Variants in CD109 observed in about 807,000 individuals in gnomAD.
CD109 encodes the protein CD109 antigen.
CD109 carries 149 observed loss-of-function variants against 165.8 expected under a neutral mutation model. The observed-to-expected ratio is 0.90, with a 90% CI of 0.79 to 1.03. The LOEUF is 1.03. CD109 is among the 50% of genes least tolerant of loss of function. The pLI is 0.00. For missense variants in CD109, 1,712 were observed against 1,677.8 expected (o/e 1.02, Z -0.36); for synonymous variants, 585 against 592.1 (o/e 0.99, Z 0.18).
At chr6:73,742,593 G>T (rs1772834192) in intron 5 of CD109, among the ~76,000 whole-genome samples, 1 of 152,248 alleles carries the variant, frequency 6.6e-6, no homozygotes, top group Non-Finnish European at 1.5e-5. Flanking sequence ...TGGTGCTCAT[G>T]TTCCTCCAAG....
intron 22 of CD109, among the ~76,000 whole-genome samples, chr6:73,789,403 C>A (rs1366237009): frequency 7.4e-6 from 1 of 135,000 alleles, no homozygotes; most frequent in Non-Finnish European, 1.6e-5. Context: ...GTCATCACCT[C>A]AAATACTTAA....
chr6:73,757,141 G>GT (rs1412807368), intron 6 of CD109, among the ~76,000 whole-genome samples: 4 of 152,162 alleles, frequency 2.6e-5, no homozygotes, highest in African/African-American at 9.7e-5. Flanking sequence ...TATTTTGTTG[G>GT]TGAATGGAGA....
chr6:73,812,061 T>C (rs1169626901), intron 28 of CD109, 144 bp from the exon 29 acceptor site: 5 of 516,824 alleles, frequency 9.7e-6, no homozygotes, highest in Non-Finnish European at 1.7e-5. Context: ...CCATAGCTTT[T>C]GATATGTGAG....
At chr6:73,725,132 A>G (rs1169913961) in intron 3 of CD109, among the ~76,000 whole-genome samples, 1 of 152,102 alleles carries the variant, frequency 6.6e-6, no homozygotes, top group African/African-American at 2.4e-5. Context: ...GAAGTGGGGG[A>G]AAAAAACCCT....
chr6:73,713,556 G>A (rs1023571332), intron 2 of CD109, among the ~76,000 whole-genome samples: 1 of 151,990 alleles, frequency 6.6e-6, no homozygotes. Context: ...ACCTGGCCTG[G>A]GTAGGACTTC....
chr6:73,696,137 G>T (rs986932197), upstream of CD109: 12 of 1,354,232 alleles, frequency 8.9e-6, no homozygotes, highest in Admixed American at 1.2e-4. Flanking sequence ...AAAAATCAGG[G>T]AGGAGGTGGC....
intron 25 of CD109, 81 bp from the exon 26 acceptor site, chr6:73,808,002 C>T: frequency 8.0e-7 from 1 of 1,255,000 alleles, no homozygotes; most frequent in Non-Finnish European, 1.1e-6. Context: ...TTTTTAAATG[C>T]ATGTTTCAAA....
rs1215032298 is a variant in CD109, at chr6:73,824,963, A to T, written c.*1330A>T. Reference sequence around the variant, plus strand: ...GCTCTATGGCATTTCACTCAAGTGGACAGGGGAAAAAGTAATTGCCATGGG... The same window carrying T: ...GCTCTATGGCATTTCACTCAAGTGGTCAGGGGAAAAAGTAATTGCCATGGG... On this transcript the variant is annotated 3_prime_UTR_variant, in exon 33 of 33. Transcript: ENST00000287097. 6.6e-6 allele frequency: 1 copy of T among 152,206 alleles called. No homozygotes were observed. Among genetic ancestry groups the T allele is most frequent in the Non-Finnish European group, 1.5e-5 (1 of 68,038 alleles). 9.4% of individuals were successfully genotyped at this position (152,206 alleles called of 1,614,324 possible). A position where few individuals can be genotyped will look rare whatever the true frequency, so the allele number is the denominator to read the frequency against.
At chr6:73,739,165 T>C (rs1772658053) in intron 5 of CD109, among the ~76,000 whole-genome samples, 1 of 152,254 alleles carries the variant, frequency 6.6e-6, no homozygotes, top group Non-Finnish European at 1.5e-5. Context: ...TTGTATATTC[T>C]ATAAAGCATC....
chr6:73,777,923 A>G (rs1338251585), intron 15 of CD109, among the ~76,000 whole-genome samples: 1 of 152,168 alleles, frequency 6.6e-6, no homozygotes, highest in Non-Finnish European at 1.5e-5. Flanking sequence ...TATGAATTTT[A>G]AAATAGTTTT....
rs559624976 is a variant in CD109, at chr6:73,761,830, G to A, written c.759-554G>A. Among the ~76,000 whole-genome samples the A allele has an allele frequency of 1.4e-4, 21 of 151,680 alleles. 1 individual carries two copies. Among genetic ancestry groups the A allele is most frequent in the Middle Eastern group, 3.4e-3 (1 of 292 alleles). On this transcript the variant is annotated intron_variant, in intron 7 of 32. Coordinates refer to ENST00000287097, the MANE Select transcript of CD109 (RefSeq NM_133493.5). ...GCCACCGTGCCCATCCAGGATCACCGTTTATTAAAGACATTTTTGTTGGGT... is the reference window on the plus strand; with the variant it reads ...GCCACCGTGCCCATCCAGGATCACCATTTATTAAAGACATTTTTGTTGGGT...
chr6:73,765,932 G>T lies in CD109; in HGVS notation c.1110G>T (p.Val370=), dbSNP rs138778967. Residue 370 remains valine (V), a splice_region_variant and synonymous_variant, in exon 11 of 33, where the codon GTG becomes GTT. Coordinates refer to ENST00000287097, the MANE Select transcript of CD109 (RefSeq NM_133493.5). ...AGATGTTTTGTTTTGACCATTAGGTGAAGGTAACTCGTGCTGATGGCAACC... is the reference window on the plus strand; with the variant it reads ...AGATGTTTTGTTTTGACCATTAGGTTAAGGTAACTCGTGCTGATGGCAACC... ...LKPSLNFTAT[V]KVTRADGNQL... is the part of the protein sequence containing the mutation. 112 of 1,609,022 alleles carry T rather than the reference G, an allele frequency of 7.0e-5. No homozygotes were observed. In the African/African-American group the frequency reaches 1.0e-3, roughly 15 times the overall value.
At position 73,818,430 on chromosome 6, in the gene CD109, T is replaced by G; in HGVS notation, c.3954T>G (p.Val1318=). The change falls in exon 31 of 33, where the codon GTT becomes GTG. Residue 1318 remains valine (V), a synonymous_variant. Transcript: ENST00000287097. ...PGRSGMALME[V]NLLSGFMVPS... ...GGAGTGGCATGGCTCTTATGGAAGT[T>G]AACCTATTAAGTGGCTTTATGGTGC... 6.2e-7 allele frequency: 1 copy of G among 1,613,906 alleles called. No individual in the cohort carries two copies. Among genetic ancestry groups the G allele is most frequent in the Non-Finnish European group, 8.5e-7 (1 of 1,179,948 alleles).
intron 7 of CD109, among the ~76,000 whole-genome samples, chr6:73,759,457 T>C (rs1456066381): frequency 6.6e-6 from 1 of 152,136 alleles, no homozygotes; most frequent in Non-Finnish European, 1.5e-5. Context: ...ACTACAGGCA[T>C]GTTCCACCAC....
chr6:73,736,145 G>C (rs1389696246), intron 4 of CD109, among the ~76,000 whole-genome samples: 5 of 152,080 alleles, frequency 3.3e-5, no homozygotes, highest in Non-Finnish European at 5.9e-5. Context: ...CATTCCAGCA[G>C]TCATCCTAGA....
chr6:73,722,877 A>T (rs1562030284), intron 2 of CD109, among the ~76,000 whole-genome samples: 1 of 152,198 alleles, frequency 6.6e-6, no homozygotes, highest in Non-Finnish European at 1.5e-5. Context: ...CGAGGGTATG[A>T]GGACAAGAAA....
intron 31 of CD109, among the ~76,000 whole-genome samples, chr6:73,819,467 A>G (rs959110254): frequency 2.6e-5 from 4 of 152,178 alleles, no homozygotes; most frequent in Non-Finnish European, 5.9e-5. Flanking sequence ...GGTTGAACTG[A>G]TATTGAGTTC....
At chr6:73,798,093 C>T (rs899088070) in intron 23 of CD109, among the ~76,000 whole-genome samples, 4 of 148,992 alleles carry the variant, frequency 2.7e-5, no homozygotes, top group Admixed American at 6.8e-5. Flanking sequence ...ACATTATAGA[C>T]GAGTCATCAG....
rs1415737422 is a variant in CD109, at chr6:73,766,827, C to T, written c.1401C>T (p.Tyr467=). Residue 467 remains tyrosine (Y), a synonymous_variant, in exon 12 of 33, where the codon TAC becomes TAT. Transcript: ENST00000287097. ...HSLFKSPSKT[Y]IQLKTRDENI... is the part of the protein sequence containing the mutation. ...TGTTTAAGTCTCCTAGTAAGACATACATCCAACTAAAAACAAGAGATGAAA... is the reference window on the plus strand; with the variant it reads ...TGTTTAAGTCTCCTAGTAAGACATATATCCAACTAAAAACAAGAGATGAAA... The T allele has an allele frequency of 1.2e-6, 2 of 1,612,608 alleles. No individual in the cohort carries two copies. Among genetic ancestry groups the T allele is most frequent in the Non-Finnish European group, 1.7e-6 (2 of 1,178,942 alleles).
Sources: gnomAD v4.1 joint callset for allele counts (sites outside exome capture counted in the v4.1 genomes callset) on GRCh38, gnomAD v4.1.1 for gene constraint, MANE v1.5 for transcripts, NCBI Gene and HGNC (gene_info 2026-07-23, HGNC 2026-07-21) for gene names.